The following TIA1 variants were observed in gnomAD, a reference collection of about 807,000 sequenced individuals.
The protein encoded by TIA1 is cytotoxic granule associated RNA binding protein TIA1.
A neutral mutation model predicts 65.9 loss-of-function variants in TIA1; 23 were observed. That is an observed-to-expected ratio of 0.35 (90% confidence interval 0.25 to 0.49). TIA1 has a LOEUF of 0.49. TIA1 is among the 20% of genes least tolerant of loss of function. The pLI is 0.98. For synonymous variants in TIA1, 147 were observed against 149.4 expected (o/e 0.98, Z 0.12); for missense variants, 371 against 477.9 (o/e 0.78, Z 2.09).
chr2:70,226,251 C>T lies in TIA1; in HGVS notation c.398+1484G>A, dbSNP rs571266864. ...ATTTAAGAGAAAAAAATATAACCCACGATTTGTAAATCATGAAATTGCTAA... is the reference window on the plus strand; with the variant it reads ...ATTTAAGAGAAAAAAATATAACCCATGATTTGTAAATCATGAAATTGCTAA... On this transcript the variant is annotated intron_variant, in intron 6 of 12. Coordinates refer to ENST00000433529, the MANE Select transcript of TIA1 (RefSeq NM_022173.4). Among the ~76,000 whole-genome samples, 20 of 152,134 alleles carry T rather than the reference C, an allele frequency of 1.3e-4. No homozygotes were observed. The East Asian group carries it at 3.9e-3, about 29-fold the overall frequency.
chr2:70,225,038 T>C, intron 6 of TIA1: 25 of 976,972 alleles, frequency 2.6e-5, no homozygotes, highest in Non-Finnish European at 2.9e-5. Flanking sequence ...TAAAAAAAAA[T>C]AGAAAACTGG....
chr2:70,220,276 T>TGCAACACCTGTAGTCCCA (rs1300519657), intron 7 of TIA1, among the ~76,000 whole-genome samples: 1 of 151,970 alleles, frequency 6.6e-6, no homozygotes, highest in Non-Finnish European at 1.5e-5. Context: ...GGCATGGTGT[T>TGCAACACCTGTAGTCCCA]GCAACACCTG....
At chr2:70,222,876 T>G (rs147974027) in intron 7 of TIA1, among the ~76,000 whole-genome samples, 4,775 of 152,296 alleles carry the variant, frequency 0.031, 265 homozygotes, top group African/African-American at 0.11. Flanking sequence ...ATTGCGCCAT[T>G]GCGCTCCAGC....
intron 5 of TIA1, 148 bp from the exon 6 acceptor site, chr2:70,227,970 C>A: frequency 2.9e-5 from 14 of 482,140 alleles, no homozygotes; most frequent in South Asian, 4.1e-5. Context: ...TATACAAATC[C>A]TACCAATTTT....
intron 2 of TIA1, among the ~76,000 whole-genome samples, chr2:70,235,173 T>C (rs1688235002): frequency 6.6e-6 from 1 of 152,158 alleles, no homozygotes; most frequent in African/African-American, 2.4e-5. Context: ...CCCAGTACTT[T>C]GGGAGGCCAA....
At position 70,229,052 on chromosome 2, in the gene TIA1, C is replaced by G. The variant is rs775072787; in HGVS notation, c.310+7G>C. The G allele has an allele frequency of 3.1e-6, 5 of 1,596,454 alleles. No individual in the cohort carries two copies. The highest frequency in any genetic ancestry group is 1.7e-5 in the Admixed American group (1 of 57,850). ...ATTTCATTTTATGTTTAAGAAGATA[C>G]AATTACCTTGTGAACGCTGTGTGCT... On this transcript the variant is annotated splice_region_variant and intron_variant, in intron 5 of 12. Coordinates refer to ENST00000433529, the MANE Select transcript of TIA1 (RefSeq NM_022173.4).
intron 1 of TIA1, among the ~76,000 whole-genome samples, chr2:70,237,318 C>T (rs1195298800): frequency 6.6e-6 from 1 of 152,158 alleles, no homozygotes; most frequent in Non-Finnish European, 1.5e-5. Context: ...AGGAGAATCA[C>T]TTGAACCCAG....
chr2:70,223,745 T>TA (rs933418215), intron 7 of TIA1, among the ~76,000 whole-genome samples: 35 of 150,150 alleles, frequency 2.3e-4, no homozygotes, highest in Non-Finnish European at 2.8e-4. Context: ...AAAAAAAAAT[T>TA]AAAAAAAAAG....
In TIA1 at chr2:70,210,191, A is replaced by G. The variant is rs1045816091; in HGVS notation, c.*2528T>C. 1.3e-5 allele frequency: 2 copies of G among 153,450 alleles called. No homozygotes were observed. The highest frequency in any genetic ancestry group is 1.3e-4 in the Admixed American group (2 of 15,320). The allele number at this position is 153,450 out of a possible 1,614,324, so 9.5% of individuals were successfully genotyped here. On this transcript the variant is annotated 3_prime_UTR_variant, in exon 13 of 13. Coordinates refer to ENST00000433529, the MANE Select transcript of TIA1 (RefSeq NM_022173.4). ...TCTCACACACAATAATCACTGCAAG[A>G]AGATCCCACAGGTTATAGAAAACAT...
Position 70,210,154 on chromosome 2 carries a change from A to C in TIA1, c.*2565T>G, listed in dbSNP as rs1039602021. 1.3e-5 allele frequency: 2 copies of C among 156,176 alleles called. No individual in the cohort carries two copies. Among genetic ancestry groups the C allele is most frequent in the African/African-American group, 4.8e-5 (2 of 41,638 alleles). 9.7% of individuals were successfully genotyped at this position (156,176 alleles called of 1,614,324 possible). A position where few individuals can be genotyped will look rare whatever the true frequency, so the allele number is the denominator to read the frequency against. The stretch of plus-strand genomic sequence containing the variant: ...GAATATAACAATATGGATAGACCAA[A>C]AAGAAAAAAAATCTCACACACAATA... On this transcript the variant is annotated 3_prime_UTR_variant, in exon 13 of 13. Coordinates refer to ENST00000433529, the MANE Select transcript of TIA1 (RefSeq NM_022173.4).
chr2:70,221,471 A>AG (rs1681334401), intron 7 of TIA1, among the ~76,000 whole-genome samples: 1 of 130,224 alleles, frequency 7.7e-6, no homozygotes, highest in Admixed American at 8.0e-5. Flanking sequence ...CCCTCTCTCC[A>AG]AAAAAAAAAG....
In TIA1 at chr2:70,214,459, C is replaced by A. The variant is rs79075815; in HGVS notation, c.924G>T (p.Gln308His). The A allele has an allele frequency of 1.2e-6, 2 of 1,613,668 alleles. No homozygotes were observed. Among genetic ancestry groups the A allele is most frequent in the Non-Finnish European group, 1.7e-6 (2 of 1,179,890 alleles). The change falls in exon 12 of 13, where the codon CAG becomes CAT. Residue 308 changes from glutamine to histidine, a missense_variant. By Grantham distance (24) the Gln-to-His change is conservative. Coordinates refer to ENST00000433529, the MANE Select transcript of TIA1 (RefSeq NM_022173.4). ...NQIGYPQPYG[Q>H]WGQWYGNAQQ... is the part of the protein sequence containing the mutation. ...GTGCATTTCCATACCACTGGCCCCA[C>A]TGGCCATAAGGTTGGGGATATCCAA...
At chr2:70,244,498 A>AT in intron 1 of TIA1, among the ~76,000 whole-genome samples, 1 of 152,314 alleles carries the variant, frequency 6.6e-6, no homozygotes, top group South Asian at 2.1e-4. Context: ...ATTTGGAAAC[A>AT]TAAGTATTAT....
At position 70,209,448 on chromosome 2, in the gene TIA1, A is replaced by T. The variant is rs976869384; in HGVS notation, c.*3271T>A. 2.5e-6 allele frequency: 1 copy of T among 397,084 alleles called. No individual in the cohort carries two copies. The highest frequency in any genetic ancestry group is 4.4e-5 in the Admixed American group (1 of 22,698). 24.6% of individuals were successfully genotyped at this position (397,084 alleles called of 1,614,324 possible). ...AAATGAAGGTAGAAAAACCTATTCA[A>T]TTGAGACACACTCACACATTTTATT... On this transcript the variant is annotated 3_prime_UTR_variant, in exon 13 of 13. Coordinates refer to ENST00000433529, the MANE Select transcript of TIA1 (RefSeq NM_022173.4).
chr2:70,246,328 G>A (rs1013777987), intron 1 of TIA1, among the ~76,000 whole-genome samples: 34 of 152,276 alleles, frequency 2.2e-4, no homozygotes, highest in African/African-American at 8.2e-4. Context: ...ACTCTGCTAA[G>A]AACATATATT....
rs1047422139 is a variant in TIA1, at chr2:70,235,614, C to T, written c.123+465G>A. 4.7e-5 allele frequency among the ~76,000 whole-genome samples: 7 copies of T among 150,206 alleles called. No individual in the cohort carries two copies. The South Asian group carries it at 8.4e-4, about 18-fold the overall frequency. On this transcript the variant is annotated intron_variant, in intron 2 of 12. Coordinates refer to ENST00000433529, the MANE Select transcript of TIA1 (RefSeq NM_022173.4). ...ACATTGTCTCATAAATAGGAATTGC[C>T]TAAATACAAGAAAAACTTGAATGAT...
At chr2:70,215,822 C>T (rs188733396) in intron 10 of TIA1, among the ~76,000 whole-genome samples, 3 of 152,102 alleles carry the variant, frequency 2.0e-5, no homozygotes, top group African/African-American at 7.2e-5. Context: ...GATCTTGGCT[C>T]ACTGCAACCT....
chr2:70,246,144 G>C (rs1694207521), intron 1 of TIA1, among the ~76,000 whole-genome samples: 1 of 152,090 alleles, frequency 6.6e-6, no homozygotes, highest in African/African-American at 2.4e-5. Flanking sequence ...GGCTGGTCTT[G>C]AACTCCTGCC....
rs113873389 is a variant in TIA1 at position 70,248,497 on chromosome 2, T to G, written c.-67A>C. On this transcript the variant is annotated 5_prime_UTR_variant, in exon 1 of 13. Coordinates refer to ENST00000433529, the MANE Select transcript of TIA1 (RefSeq NM_022173.4). ...GCCCTTCACTACCTCCCAAATCGTT[T>G]AAGCGGTTATGGCTACAGGATAGTG... is the stretch of plus-strand genomic sequence containing the variant. 9.4e-6 allele frequency: 15 copies of G among 1,599,446 alleles called. No homozygotes were observed. The highest frequency in any genetic ancestry group is 8.0e-5 in the African/African-American group (6 of 75,030).
Sources: gnomAD v4.1 joint callset for allele counts (sites outside exome capture counted in the v4.1 genomes callset) on GRCh38, gnomAD v4.1.1 for gene constraint, MANE v1.5 for transcripts, NCBI Gene and HGNC (gene_info 2026-07-23, HGNC 2026-07-21) for gene names.